The following C11orf65 variants were observed in gnomAD, a reference collection of about 807,000 sequenced individuals.
C11orf65 encodes the protein chromosome 11 open reading frame 65.
Under a neutral mutation model 35.3 loss-of-function variants are expected in C11orf65, and 38 were observed. The ratio of observed to expected loss-of-function variants is 1.08; its 90% CI spans 0.83 to 1.41. The LOEUF is 1.41. Among genes scored for constraint, C11orf65 ranks in the 40% most tolerant of loss-of-function variants. C11orf65 has a pLI of 0.00. For synonymous variants in C11orf65, 105 were observed against 114.4 expected (o/e 0.92, Z 0.53); for missense variants, 370 against 367.1 (o/e 1.01, Z -0.06).
chr11:108,431,589 T>C (rs1331591977), intron 3 of C11orf65, among the ~76,000 whole-genome samples, 157 bp downstream of exon 3: 3 of 152,196 alleles, frequency 2.0e-5, no homozygotes, highest in Admixed American at 6.5e-5. Context: ...TGATGATTCA[T>C]TGAGCTATAT....
At chr11:108,348,612 C>A (rs425538) in intron 2 of C11orf65, among the ~76,000 whole-genome samples, 94,026 of 151,402 alleles carry the variant, frequency 0.62, 29,479 homozygotes, top group Middle Eastern at 0.76. Flanking sequence ...TAATGACAAA[C>A]TTCTATTAAA....
At chr11:108,376,028 A>G (rs2091714294) in intron 2 of C11orf65, among the ~76,000 whole-genome samples, 1 of 152,016 alleles carries the variant, frequency 6.6e-6, no homozygotes, top group African/African-American at 2.4e-5. Context: ...CTCCCACACA[A>G]TAATAATGGG....
At chr11:108,425,028 C>T (rs2092880023) in intron 3 of C11orf65, among the ~76,000 whole-genome samples, 1 of 152,184 alleles carries the variant, frequency 6.6e-6, no homozygotes, top group South Asian at 2.1e-4. Flanking sequence ...AAATTTATAG[C>T]ACTAAATGGC....
intron 5 of C11orf65, among the ~76,000 whole-genome samples, chr11:108,405,969 C>T (rs2092532636): frequency 6.6e-6 from 1 of 152,128 alleles, no homozygotes; most frequent in Non-Finnish European, 1.5e-5. Flanking sequence ...TTTGTGGTTT[C>T]CCCGTTATGA....
intron 6 of C11orf65, among the ~76,000 whole-genome samples, chr11:108,323,655 C>T (rs571089571): frequency 1.5e-4 from 23 of 152,150 alleles, no homozygotes; most frequent in African/African-American, 5.1e-4. Context: ...AAATATCACA[C>T]GTACCTCATA....
intron 2 of C11orf65, among the ~76,000 whole-genome samples, chr11:108,438,099 T>C (rs2093092703): frequency 6.6e-6 from 1 of 152,166 alleles, no homozygotes; most frequent in Non-Finnish European, 1.5e-5. Flanking sequence ...AATAGACTCA[T>C]ATATATGTCG....
intron 2 of C11orf65, among the ~76,000 whole-genome samples, chr11:108,349,503 A>C (rs1318644800): frequency 6.6e-6 from 1 of 152,142 alleles, no homozygotes; most frequent in Non-Finnish European, 1.5e-5. Context: ...TCTCTACTAA[A>C]ATACAAAAAA....
intron 3 of C11orf65, among the ~76,000 whole-genome samples, chr11:108,411,721 C>T (rs1431081794): frequency 6.6e-6 from 1 of 151,948 alleles, no homozygotes; most frequent in Non-Finnish European, 1.5e-5. Flanking sequence ...TTATATCTCA[C>T]AAAACTTTAT....
chr11:108,371,154 T>C (rs1044519689), intron 2 of C11orf65, among the ~76,000 whole-genome samples: 3 of 152,206 alleles, frequency 2.0e-5, no homozygotes, highest in African/African-American at 7.2e-5. Flanking sequence ...GAAGTGGTCA[T>C]GATCTTGCTT....
At chr11:108,350,012 A>C (rs979213579) in intron 2 of C11orf65, among the ~76,000 whole-genome samples, 2 of 152,194 alleles carry the variant, frequency 1.3e-5, no homozygotes, top group Admixed American at 1.3e-4. Flanking sequence ...AATAGAAAGC[A>C]TGCTCATTTG....
chr11:108,358,926 A>G (rs1186756042), intron 2 of C11orf65, among the ~76,000 whole-genome samples: 1 of 152,152 alleles, frequency 6.6e-6, no homozygotes, highest in African/African-American at 2.4e-5. Context: ...TAATGACAGG[A>G]TCAAACTCCC....
In C11orf65 at chr11:108,312,392, G is replaced by GTGTT. The variant is rs2136057696; in HGVS notation, c.641-3325_641-3322dup. 2 of 1,518,596 alleles carry GTGTT rather than the reference G, an allele frequency of 1.3e-6. No homozygotes were observed. Among genetic ancestry groups the GTGTT allele is most frequent in the Non-Finnish European group, 1.8e-6 (2 of 1,093,472 alleles). 94.1% of individuals were successfully genotyped at this position (1,518,596 alleles called of 1,614,324 possible). A position where few individuals can be genotyped will look rare whatever the true frequency, so the allele number is the denominator to read the frequency against. ...AAATAGTATGTTCTCATTAAAAGAGGTGTTCTTGTGACAAACAGAAGTCTT... is the reference window on the plus strand; with the variant it reads ...AAATAGTATGTTCTCATTAAAAGAGGTGTTTGTTCTTGTGACAAACAGAAGTCTT... On this transcript the variant is annotated intron_variant, in intron 6 of 6. Transcript: ENST00000525729.
intron 2 of C11orf65, among the ~76,000 whole-genome samples, chr11:108,338,491 C>CA (rs1404161580): frequency 1.3e-5 from 2 of 151,986 alleles, no homozygotes; most frequent in Admixed American, 1.3e-4. Flanking sequence ...CTCATCTCTA[C>CA]AAAAAATTAA....
At position 108,405,410 on chromosome 11, in the gene C11orf65, A is replaced by AC; in HGVS notation, c.560+18_560+19insG. The AC allele has an allele frequency of 6.2e-7, 1 of 1,606,166 alleles. No homozygotes were observed. The highest frequency in any genetic ancestry group is 1.1e-5 in the South Asian group (1 of 88,916). The stretch of plus-strand genomic sequence containing the variant: ...CCAAAATACTACGTATTTCCTTAGT[A>AC]AGTGTTTCATCAACTTACATTTGCC... On this transcript the variant is annotated intron_variant, in intron 6 of 8. Coordinates refer to ENST00000393084, the MANE Select transcript of C11orf65 (RefSeq NM_152587.5).
rs745977589 is a variant in C11orf65, at chr11:108,317,420, A to G, written c.641-8349T>C. 8.7e-6 allele frequency: 14 copies of G among 1,612,538 alleles called. No homozygotes were observed. The South Asian group carries it at 1.5e-4, about 18-fold the overall frequency. On this transcript the variant is annotated intron_variant, in intron 6 of 6. Transcript: ENST00000525729. ...GCCATATTCTTTCCGTCTATTTAAA[A>G]GGATTGGATTATGAAAATAAAGACT...
intron 2 of C11orf65, among the ~76,000 whole-genome samples, chr11:108,372,280 G>A (rs1243292856): frequency 6.6e-6 from 1 of 152,112 alleles, no homozygotes; most frequent in Non-Finnish European, 1.5e-5. Context: ...TGCAACCTCT[G>A]CCTCCCAGGT....
downstream of C11orf65, chr11:108,330,540 A>T: frequency 4.1e-6 from 4 of 982,886 alleles, no homozygotes; most frequent in Admixed American, 7.0e-5. Flanking sequence ...AGTGCTCTAC[A>T]CATAAGTAGC....
Position 108,333,943 on chromosome 11 carries a change from T to A in C11orf65, c.299+1277A>T, listed in dbSNP as rs863224463. 3 of 1,611,270 alleles carry A rather than the reference T, an allele frequency of 1.9e-6. No individual in the cohort carries two copies. Among genetic ancestry groups the A allele is most frequent in the South Asian group, 1.1e-5 (1 of 91,036 alleles). ...ACTAAACTTAAGAATTTAGAAGATG[T>A]TGTTGTCCCTACTATGGAAATTAAG... On this transcript the variant is annotated intron_variant, in intron 3 of 3. Coordinates refer to the C11orf65 transcript ENST00000524755.
chr11:108,332,859 T>C lies in C11orf65; in HGVS notation c.300-1292A>G. ...GAGGCACTTTGTGATGCTTATATTA[T>C]ATTAGCAAACTTAGATGCCACTCAG... On this transcript the variant is annotated intron_variant, in intron 3 of 3. Transcript: ENST00000524755. 1 of 1,613,298 alleles carries C rather than the reference T, an allele frequency of 6.2e-7. No homozygotes were observed. The highest frequency in any genetic ancestry group is 2.2e-5 in the East Asian group (1 of 44,788).
Sources: gnomAD v4.1 joint callset for allele counts (sites outside exome capture counted in the v4.1 genomes callset) on GRCh38, gnomAD v4.1.1 for gene constraint, MANE v1.5 for transcripts, NCBI Gene and HGNC (gene_info 2026-07-23, HGNC 2026-07-21) for gene names.